The following FAM219A variants were observed in gnomAD, a reference collection of about 807,000 sequenced individuals.
The protein encoded by FAM219A is family with sequence similarity 219 member A.
In FAM219A, 7 loss-of-function variants were observed where a neutral mutation model predicts 23.4. The observed-to-expected ratio is 0.30, with a 90% CI of 0.17 to 0.56. The LOEUF is 0.56. FAM219A is among the 20% of genes least tolerant of loss of function. FAM219A has a pLI of 0.92. For missense variants in FAM219A, 166 were observed against 246.9 expected (o/e 0.67, Z 2.20); for synonymous variants, 93 against 99.0 (o/e 0.94, Z 0.36).
At chr9:34,431,325 A>G in intron 1 of FAM219A, among the ~76,000 whole-genome samples, 1 of 152,154 alleles carries the variant, frequency 6.6e-6, no homozygotes, top group Non-Finnish European at 1.5e-5. Context: ...CAGACAGCTC[A>G]TCAGCTCCTC....
At chr9:34,415,713 A>G (rs150335037) in intron 1 of FAM219A, among the ~76,000 whole-genome samples, 2 of 152,306 alleles carry the variant, frequency 1.3e-5, no homozygotes, top group South Asian at 2.1e-4. Context: ...ATTCCACCCA[A>G]TTGGATAAAT....
At chr9:34,424,493 A>G (rs1822386857) in intron 1 of FAM219A, among the ~76,000 whole-genome samples, 1 of 149,334 alleles carries the variant, frequency 6.7e-6, no homozygotes, top group Non-Finnish European at 1.5e-5. Flanking sequence ...GCTTGGCCAA[A>G]CTAGAGGCAA....
At chr9:34,421,388 C>T (rs1822277832) in intron 1 of FAM219A, among the ~76,000 whole-genome samples, 1 of 151,986 alleles carries the variant, frequency 6.6e-6, no homozygotes, top group South Asian at 2.1e-4. Flanking sequence ...TTATGCATCT[C>T]CATGGAAAAC....
chr9:34,455,688 C>G (rs1252430893), intron 1 of FAM219A, among the ~76,000 whole-genome samples: 1 of 151,916 alleles, frequency 6.6e-6, no homozygotes, highest in East Asian at 1.9e-4. Context: ...GCTGGACTAT[C>G]TTAATTCTTT....
chr9:34,439,886 C>A (rs1250732162), intron 1 of FAM219A, among the ~76,000 whole-genome samples: 1 of 152,158 alleles, frequency 6.6e-6, no homozygotes, highest in Admixed American at 6.6e-5. Flanking sequence ...AGGGGCTACA[C>A]GGGGCACTCC....
In FAM219A at chr9:34,398,487, A is replaced by T; in HGVS notation, c.*2477T>A. ...AGGAGGGAGCCACACCCCTCCCTAG[A>T]CACAGAAGCTGCCACTGCCAGCTTC... On this transcript the variant is annotated 3_prime_UTR_variant, in exon 6 of 6. Transcript: ENST00000651358. The T allele has an allele frequency of 9.5e-7, 1 of 1,051,564 alleles. No homozygotes were observed. 65.1% of individuals were successfully genotyped at this position (1,051,564 alleles called of 1,614,324 possible). A position where few individuals can be genotyped will look rare whatever the true frequency, so the allele number is the denominator to read the frequency against.
In FAM219A at chr9:34,398,397, A is replaced by G. The variant is rs1211267701; in HGVS notation, c.*2567T>C. On this transcript the variant is annotated 3_prime_UTR_variant, in exon 6 of 6. Coordinates refer to ENST00000651358, the MANE Select transcript of FAM219A (RefSeq NM_001184940.2). ...AGGGAGTGTTAAGGCAGTATCTACA[A>G]GGGGAAGGGTGGCAGGAGGGCAAGC... is the stretch of plus-strand genomic sequence containing the variant. 3.2e-6 allele frequency: 5 copies of G among 1,549,400 alleles called. No individual in the cohort carries two copies. The highest frequency in any genetic ancestry group is 4.4e-6 in the Non-Finnish European group (5 of 1,146,164).
chr9:34,432,915 C>T (rs996279233), intron 1 of FAM219A, among the ~76,000 whole-genome samples: 8 of 152,188 alleles, frequency 5.3e-5, no homozygotes, highest in African/African-American at 1.9e-4. Flanking sequence ...CCACACTAGT[C>T]TTGAACTCCT....
intron 4 of FAM219A, 121 bp from the exon 5 acceptor site, chr9:34,401,841 T>G (rs1821447014): frequency 1.0e-5 from 11 of 1,091,632 alleles, no homozygotes; most frequent in Non-Finnish European, 1.5e-5. Context: ...TAGCAAAATC[T>G]CAATACGAAC....
Position 34,458,542 on chromosome 9 carries a change from T to C in FAM219A, c.-279A>G, listed in dbSNP as rs755528106. On this transcript the variant is annotated 5_prime_UTR_variant, in exon 1 of 6. Transcript: ENST00000651358. The surrounding 1 kb of genome is among the most constrained non-coding windows in gnomAD (Gnocchi z 6.6). ...CGCCTCCTACTCCGCTGCCGCCTCCTGTCAGCAGCTCAGCCACTGCGGTGA... is the reference window on the plus strand; with the variant it reads ...CGCCTCCTACTCCGCTGCCGCCTCCCGTCAGCAGCTCAGCCACTGCGGTGA... The C allele has an allele frequency of 1.1e-5, 4 of 380,718 alleles. No individual in the cohort carries two copies. Among genetic ancestry groups the C allele is most frequent in the African/African-American group, 4.2e-5 (2 of 47,882 alleles). The allele number at this position is 380,718 out of a possible 1,614,324, so 23.6% of individuals were successfully genotyped here.
chr9:34,405,831 C>T (rs1484053735), intron 2 of FAM219A, 34 bp downstream of exon 2: 2 of 1,602,446 alleles, frequency 1.2e-6, no homozygotes, highest in Non-Finnish European at 1.7e-6. Flanking sequence ...CTTGCCTACT[C>T]CCCACATCTC....
At chr9:34,434,378 TA>T (rs1351372460) in intron 1 of FAM219A, among the ~76,000 whole-genome samples, 1 of 152,166 alleles carries the variant, frequency 6.6e-6, no homozygotes, top group Non-Finnish European at 1.5e-5. Context: ...TATAGATATT[TA>T]TTTTTATATT....
At chr9:34,419,090 C>T (rs983083334) in intron 1 of FAM219A, among the ~76,000 whole-genome samples, 3 of 152,070 alleles carry the variant, frequency 2.0e-5, no homozygotes, top group Non-Finnish European at 1.5e-5. Flanking sequence ...AACAAACAAA[C>T]AAACAAACAA....
intron 2 of FAM219A, 50 bp downstream of exon 2, chr9:34,405,815 G>C (rs750461956): frequency 9.4e-5 from 147 of 1,562,862 alleles, no homozygotes; most frequent in Non-Finnish European, 1.3e-4. Context: ...ACCCAGCCCA[G>C]AGTATCTTGC....
chr9:34,402,106 T>C, intron 4 of FAM219A: 6 of 1,401,086 alleles, frequency 4.3e-6, no homozygotes, highest in Non-Finnish European at 4.7e-6. Context: ...TATTCTGCTG[T>C]CCAGAGACAA....
At chr9:34,452,770 A>G (rs185056810) in intron 1 of FAM219A, among the ~76,000 whole-genome samples, 15 of 152,192 alleles carry the variant, frequency 9.9e-5, no homozygotes, top group Admixed American at 9.2e-4. Context: ...CAGTTTGCCA[A>G]GCTTCTAGTA....
intron 1 of FAM219A, among the ~76,000 whole-genome samples, 197 bp from the exon 2 acceptor site, chr9:34,406,161 C>G (rs576867192): frequency 1.3e-5 from 2 of 152,278 alleles, no homozygotes; most frequent in Admixed American, 1.3e-4. Flanking sequence ...GTAGAAGAAC[C>G]AAGGATCTGG....
At chr9:34,404,018 G>A (rs74424881) in intron 2 of FAM219A, among the ~76,000 whole-genome samples, 82 of 152,268 alleles carry the variant, frequency 5.4e-4, no homozygotes, top group African/African-American at 2.0e-3. Flanking sequence ...GTGGTACTAG[G>A]TGCAACTGGG....
intron 1 of FAM219A, among the ~76,000 whole-genome samples, chr9:34,414,169 T>G (rs1821919687): frequency 1.3e-5 from 2 of 152,262 alleles, no homozygotes; most frequent in South Asian, 4.1e-4. Context: ...TCTATTTCCC[T>G]GCAGAGGGCT....
Sources: allele counts gnomAD v4.1 joint callset (sites outside exome capture counted in the v4.1 genomes callset), GRCh38; gene constraint gnomAD v4.1.1; non-coding constraint Gnocchi (gnomAD v3.1); transcripts MANE v1.5; gene names NCBI Gene and HGNC (gene_info 2026-07-23, HGNC 2026-07-21).